RIPOR3: variants seen among roughly 807,000 people sequenced by gnomAD.
RIPOR3 encodes the protein family with sequence similarity 65 member C.
RIPOR3 carries 95 observed loss-of-function variants against 114.3 expected under a neutral mutation model. The observed-to-expected ratio is 0.83, with a 90% CI of 0.70 to 0.99. The LOEUF (loss-of-function observed/expected upper bound fraction) is 0.99, where lower values mean the gene tolerates loss of function less well. Among genes scored for constraint, RIPOR3 ranks in the 50% least tolerant of loss-of-function variants. The pLI, the probability that RIPOR3 is intolerant of heterozygous loss-of-function variation, is 0.00. For missense variants in RIPOR3, 1,252 were observed against 1,266.9 expected, an observed-to-expected ratio of 0.99 and a Z score of 0.18; for synonymous variants, 575 against 543.8, an observed-to-expected ratio of 1.06 and a Z score of -0.80.
At chr20:50,598,343 C>T (rs1164206953) in intron 13 of RIPOR3, among the ~76,000 whole-genome samples, 2 of 151,998 alleles carry the variant, frequency 1.3e-5, no homozygotes, top group Non-Finnish European at 2.9e-5. Flanking sequence ...AGCTCCCTCC[C>T]TGGAGATTTC....
intron 1 of RIPOR3, among the ~76,000 whole-genome samples, chr20:50,637,646 T>A (rs1308946282): frequency 6.6e-6 from 1 of 152,106 alleles, no homozygotes; most frequent in Admixed American, 6.6e-5. Context: ...AGGCTGAGTC[T>A]GGTGGATCAC....
chr20:50,688,556 A>C (rs1600789531), intron 1 of RIPOR3, among the ~76,000 whole-genome samples: 1 of 152,312 alleles, frequency 6.6e-6, no homozygotes, highest in East Asian at 1.9e-4. Context: ...AATTCCTGAA[A>C]ATCTGACAAT....
intron 1 of RIPOR3, among the ~76,000 whole-genome samples, chr20:50,640,978 C>T (rs1277746755): frequency 6.0e-5 from 9 of 149,604 alleles, no homozygotes; most frequent in African/African-American, 2.0e-4. Flanking sequence ...GGCGCAATCT[C>T]GGCTCACCGC....
chr20:50,599,573 T>A (rs2083424884), intron 13 of RIPOR3, among the ~76,000 whole-genome samples: 1 of 152,102 alleles, frequency 6.6e-6, no homozygotes, highest in Non-Finnish European at 1.5e-5. Context: ...TTGGGAGGCA[T>A]TTAAACAGTG....
rs141412290 is a variant in RIPOR3 at position 50,597,763 on chromosome 20, C to T, written c.1660-53G>A. ...GCAACACCGGGCCCCACCCACCCGA[C>T]TGGGACACTGGCCAGGGGCCTCACG... is the stretch of plus-strand genomic sequence containing the variant. On this transcript the variant is annotated intron_variant, in intron 13 of 21. Transcript: ENST00000327979. The T allele has an allele frequency of 7.9e-5, 126 of 1,589,106 alleles. No individual in the cohort carries two copies. In the African/African-American group the frequency reaches 1.5e-3, roughly 19 times the overall value.
chr20:50,629,240 T>A (rs540819413), intron 2 of RIPOR3, among the ~76,000 whole-genome samples: 2 of 152,126 alleles, frequency 1.3e-5, no homozygotes, highest in South Asian at 4.1e-4. Flanking sequence ...AAGAGCATGG[T>A]GGGATTTTAT....
In RIPOR3 at chr20:50,682,612, A is replaced by ATGTGTGTGTG. The variant is rs71190593; in HGVS notation, c.3+8504_3+8513dup. Reference sequence around the variant, plus strand: ...ACAGAGTGAGACCCTGTCTCAAAATATGTGTGTGTGTGTGTGTCTGCATGT... The same window carrying ATGTGTGTGTG: ...ACAGAGTGAGACCCTGTCTCAAAATATGTGTGTGTGTGTGTGTGTGTGTGTGTCTGCATGT... On this transcript the variant is annotated intron_variant, in intron 1 of 21. Transcript: ENST00000327979. 6.1e-5 allele frequency among the ~76,000 whole-genome samples: 9 copies of ATGTGTGTGTG among 146,900 alleles called. No individual in the cohort carries two copies. In the East Asian group the frequency reaches 8.2e-4, roughly 13 times the overall value.
chr20:50,602,085 C>T lies in RIPOR3; in HGVS notation c.1646G>A (p.Arg549Gln), dbSNP rs761448115. The T allele has an allele frequency of 1.3e-5, 21 of 1,570,400 alleles. No individual in the cohort carries two copies. The highest frequency in any genetic ancestry group is 5.6e-5 in the Admixed American group (3 of 53,930). Reference protein sequence around the residue: ...RELEYQVLGFRDRLKPCRARQ... With the variant: ...RELEYQVLGFQDRLKPCRARQ... Reference sequence around the variant, plus strand: ...GGGTGGCCATACCTTCAGCCGGTCCCGGAAGCCGAGGACCTGGTACTCCAG... The same window carrying T: ...GGGTGGCCATACCTTCAGCCGGTCCTGGAAGCCGAGGACCTGGTACTCCAG... The change falls in exon 13 of 22, where the codon CGG becomes CAG. Residue 549 changes from arginine to glutamine, a missense_variant. Transcript: ENST00000327979. The surrounding 1 kb of genome is among the most constrained non-coding windows in gnomAD (Gnocchi z 4.3).
intron 1 of RIPOR3, among the ~76,000 whole-genome samples, chr20:50,656,344 C>T (rs1391661198): frequency 6.6e-6 from 1 of 152,054 alleles, no homozygotes; most frequent in Non-Finnish European, 1.5e-5. Flanking sequence ...CCTCATCTGT[C>T]AAATGGTGTA....
chr20:50,619,640 G>C (rs765774411), intron 3 of RIPOR3, among the ~76,000 whole-genome samples: 2 of 152,168 alleles, frequency 1.3e-5, no homozygotes, highest in African/African-American at 4.8e-5. Flanking sequence ...CGAGGCCCTC[G>C]ACGCACTGTC....
intron 1 of RIPOR3, among the ~76,000 whole-genome samples, chr20:50,678,645 A>G (rs2086754306): frequency 6.6e-6 from 1 of 152,212 alleles, no homozygotes; most frequent in Admixed American, 6.5e-5. Context: ...GACTGGACTA[A>G]GATATTTTGG....
intron 11 of RIPOR3, 92 bp from the exon 12 acceptor site, chr20:50,604,866 A>G: frequency 6.8e-7 from 1 of 1,478,258 alleles, no homozygotes; most frequent in Non-Finnish European, 9.2e-7. Flanking sequence ...TTATGCAGGT[A>G]GATGGTCTTC....
intron 1 of RIPOR3, among the ~76,000 whole-genome samples, chr20:50,644,870 G>A (rs1396740194): frequency 1.4e-5 from 2 of 140,666 alleles, no homozygotes; most frequent in South Asian, 2.2e-4. Flanking sequence ...ACGGAGTTTC[G>A]CTCTTGTCAC....
chr20:50,624,273 G>C (rs555902007), intron 2 of RIPOR3, among the ~76,000 whole-genome samples: 1 of 152,334 alleles, frequency 6.6e-6, no homozygotes, highest in South Asian at 2.1e-4. Flanking sequence ...CTTGAGGCTG[G>C]CAGAGACGGT....
intron 20 of RIPOR3, among the ~76,000 whole-genome samples, chr20:50,589,400 C>T (rs1486390022): frequency 2.6e-5 from 4 of 151,774 alleles, no homozygotes; most frequent in South Asian, 2.1e-4. Context: ...CTCCACCTCC[C>T]GGGTTCAAGT....
chr20:50,595,243 CCA>C (rs2083247695), intron 16 of RIPOR3, 124 bp downstream of exon 16: 3 of 1,296,220 alleles, frequency 2.3e-6, no homozygotes, highest in Non-Finnish European at 3.2e-6. Flanking sequence ...CCCAGCCCAG[CCA>C]CAGCCTCCAC....
chr20:50,622,692 CAGAG>C (rs139986638), intron 2 of RIPOR3, among the ~76,000 whole-genome samples: 3 of 150,298 alleles, frequency 2.0e-5, no homozygotes, highest in Admixed American at 1.3e-4. Flanking sequence ...CTCTGGACTG[CAGAG>C]AGAGAGAGAG....
chr20:50,638,672 T>G (rs2085079881), intron 1 of RIPOR3, among the ~76,000 whole-genome samples: 1 of 148,330 alleles, frequency 6.7e-6, no homozygotes. Flanking sequence ...GAAGAGAGCG[T>G]GGGGGTGTGG....
chr20:50,629,269 C>T (rs115241675), intron 2 of RIPOR3, among the ~76,000 whole-genome samples: 1 of 152,162 alleles, frequency 6.6e-6, no homozygotes, highest in Admixed American at 6.5e-5. Context: ...GACTCACTGA[C>T]CTACTGAGTT....
Sources: allele counts gnomAD v4.1 joint callset (sites outside exome capture counted in the v4.1 genomes callset), GRCh38; gene constraint gnomAD v4.1.1; non-coding constraint Gnocchi (gnomAD v3.1); transcripts MANE v1.5; gene names NCBI Gene and HGNC (gene_info 2026-07-23, HGNC 2026-07-21).